GUCY1A2: variants seen among roughly 807,000 people sequenced by gnomAD.
The protein encoded by GUCY1A2 is guanylate cyclase soluble subunit alpha-2.
A neutral mutation model predicts 63.5 loss-of-function variants in GUCY1A2; 27 were observed. The ratio of observed to expected loss-of-function variants is 0.43; its 90% CI spans 0.31 to 0.59. GUCY1A2 has a LOEUF of 0.59. GUCY1A2 is among the 20% of genes least tolerant of loss of function. The pLI is 0.11. For missense variants in GUCY1A2, 768 were observed against 913.3 expected, an observed-to-expected ratio of 0.84 and a Z score of 2.05; for synonymous variants, 364 against 343.5, an observed-to-expected ratio of 1.06 and a Z score of -0.66.
At chr11:106,936,061 C>T (rs1860672910) in intron 4 of GUCY1A2, among the ~76,000 whole-genome samples, 1 of 152,136 alleles carries the variant, frequency 6.6e-6, no homozygotes, top group African/African-American at 2.4e-5. Flanking sequence ...CCTGTTGATA[C>T]TTTCACCACA....
intron 4 of GUCY1A2, among the ~76,000 whole-genome samples, chr11:106,918,407 T>A (rs1390372227): frequency 2.1e-5 from 3 of 145,534 alleles, no homozygotes; most frequent in East Asian, 2.1e-4. Context: ...CACCATTTTT[T>A]AAAAAATCCT....
chr11:106,867,313 T>C (rs887146435), intron 4 of GUCY1A2, among the ~76,000 whole-genome samples: 1 of 152,078 alleles, frequency 6.6e-6, no homozygotes, highest in African/African-American at 2.4e-5. Flanking sequence ...ATCTCAATCT[T>C]ATTTTCTACC....
intron 6 of GUCY1A2, among the ~76,000 whole-genome samples, chr11:106,764,527 A>G (rs916231533): frequency 5.3e-5 from 8 of 152,124 alleles, no homozygotes; most frequent in African/African-American, 1.7e-4. Context: ...TCCATGGTCC[A>G]TGATTGTTGT....
chr11:106,690,150 TC>T (rs1457753389), intron 7 of GUCY1A2, among the ~76,000 whole-genome samples: 1 of 152,178 alleles, frequency 6.6e-6, no homozygotes, highest in Non-Finnish European at 1.5e-5. Context: ...TACCATTTGA[TC>T]CAGCAATCCC....
intron 4 of GUCY1A2, among the ~76,000 whole-genome samples, chr11:106,925,650 A>G (rs1338337580): frequency 2.6e-5 from 4 of 152,224 alleles, no homozygotes; most frequent in Non-Finnish European, 4.4e-5. Context: ...ATAATAGTTT[A>G]TAAATAAGTT....
chr11:106,746,930 T>C (rs1316630852), intron 6 of GUCY1A2, among the ~76,000 whole-genome samples: 1 of 152,180 alleles, frequency 6.6e-6, no homozygotes, highest in African/African-American at 2.4e-5. Flanking sequence ...AAACCTTATT[T>C]TCCATACTGA....
chr11:106,907,843 G>A (rs975949953), intron 4 of GUCY1A2, among the ~76,000 whole-genome samples: 1 of 151,922 alleles, frequency 6.6e-6, no homozygotes, highest in African/African-American at 2.4e-5. Flanking sequence ...CTTTGCTATT[G>A]TGAATAGTGC....
rs1275880242 is a variant in GUCY1A2 at position 106,806,180 on chromosome 11, T to TA, written c.1692+3812dup. Among the ~76,000 whole-genome samples the TA allele has an allele frequency of 2.0e-5, 3 of 152,162 alleles. No individual in the cohort carries two copies. The East Asian group carries it at 5.8e-4, about 29-fold the overall frequency. ...TCTGAGAAGTTCTAATGGCAGCTAA[T>TA]ATTTACATTTACTACTATGTACCAG... On this transcript the variant is annotated intron_variant, in intron 5 of 7. Transcript: ENST00000526355.
At chr11:106,968,710 G>A (rs1428193381) in intron 3 of GUCY1A2, among the ~76,000 whole-genome samples, 1 of 5,262 alleles carries the variant, frequency 1.9e-4, no homozygotes, top group African/African-American at 9.9e-4. Flanking sequence ...CCTGGGAAAT[G>A]AAGCCTAGTC....
At chr11:106,773,741 C>A (rs561495069) in intron 6 of GUCY1A2, among the ~76,000 whole-genome samples, 1 of 152,208 alleles carries the variant, frequency 6.6e-6, no homozygotes, top group African/African-American at 2.4e-5. Flanking sequence ...TTGTAAATTT[C>A]TATTAATTTG....
intron 4 of GUCY1A2, among the ~76,000 whole-genome samples, chr11:106,934,767 C>T (rs73553863): frequency 0.02 from 3,067 of 152,178 alleles, 94 homozygotes; most frequent in African/African-American, 0.069. Flanking sequence ...ATTGCTCTGT[C>T]GCAGGGATGA....
chr11:106,866,167 G>T (rs1280981523), intron 4 of GUCY1A2, among the ~76,000 whole-genome samples: 2 of 151,900 alleles, frequency 1.3e-5, no homozygotes, highest in Admixed American at 1.3e-4. Flanking sequence ...TGGCAGTAAT[G>T]AACCTGTTTG....
chr11:106,793,893 A>T (rs1054574806), intron 5 of GUCY1A2, among the ~76,000 whole-genome samples: 7 of 152,142 alleles, frequency 4.6e-5, no homozygotes, highest in African/African-American at 1.7e-4. Context: ...ATTTGTACAC[A>T]GTTTTTGAGG....
chr11:106,866,036 A>T (rs1310306573), intron 4 of GUCY1A2, among the ~76,000 whole-genome samples: 1 of 151,936 alleles, frequency 6.6e-6, no homozygotes, highest in Non-Finnish European at 1.5e-5. Flanking sequence ...TGCTGAACAC[A>T]TATGTGTTAA....
intron 6 of GUCY1A2, among the ~76,000 whole-genome samples, chr11:106,744,105 G>GGAAAA (rs1436242606): frequency 6.6e-6 from 1 of 151,964 alleles, no homozygotes; most frequent in African/African-American, 2.4e-5. Flanking sequence ...ACTCCATCAA[G>GGAAAA]GAAAAGAAAT....
At chr11:106,989,982 C>G (rs1212422802) in intron 1 of GUCY1A2, among the ~76,000 whole-genome samples, 2 of 152,144 alleles carry the variant, frequency 1.3e-5, no homozygotes, top group Non-Finnish European at 2.9e-5. Context: ...TGCTGAGTGG[C>G]CTACTAATTT....
intron 1 of GUCY1A2, among the ~76,000 whole-genome samples, chr11:106,995,288 T>C (rs1390989229): frequency 6.6e-6 from 1 of 151,978 alleles, no homozygotes; most frequent in African/African-American, 2.4e-5. Flanking sequence ...TACAAGAGAG[T>C]CAGAAGTATT....
intron 4 of GUCY1A2, among the ~76,000 whole-genome samples, chr11:106,814,630 A>G (rs1407311431): frequency 6.6e-6 from 1 of 152,110 alleles, no homozygotes; most frequent in Non-Finnish European, 1.5e-5. Context: ...GACCTGGAGA[A>G]GCTTGCTCTG....
chr11:106,980,408 C>G (rs1209002636), intron 2 of GUCY1A2, among the ~76,000 whole-genome samples: 3 of 152,192 alleles, frequency 2.0e-5, no homozygotes, highest in African/African-American at 7.2e-5. Context: ...GAGAGGACTG[C>G]TACAACCCCA....
Sources: gnomAD v4.1 joint callset for allele counts (sites outside exome capture counted in the v4.1 genomes callset) on GRCh38, gnomAD v4.1.1 for gene constraint, MANE v1.5 for transcripts, NCBI Gene and HGNC (gene_info 2026-07-23, HGNC 2026-07-21) for gene names.